DLG2: variants seen among roughly 807,000 people sequenced by gnomAD.
DLG2 encodes discs large MAGUK scaffold protein 2, also known as disks large homolog 2.
Under a neutral mutation model 132.5 loss-of-function variants are expected in DLG2, and 45 were observed. The ratio of observed to expected loss-of-function variants is 0.34; its 90% CI spans 0.27 to 0.44. The LOEUF is 0.44. DLG2 is among the 20% of genes least tolerant of loss of function. DLG2 has a pLI of 1.00. For synonymous variants in DLG2, 424 were observed against 419.6 expected, an observed-to-expected ratio of 1.01 and a Z score of -0.13; for missense variants, 1,045 against 1,196.9, an observed-to-expected ratio of 0.87 and a Z score of 1.87.
intron 15 of DLG2, among the ~76,000 whole-genome samples, chr11:83,929,931 T>G (rs2079828800): frequency 1.3e-5 from 2 of 152,236 alleles, no homozygotes; most frequent in African/African-American, 4.8e-5. Context: ...GGCCATGTTA[T>G]GCCTGGAGCA....
At chr11:84,232,079 A>AT (rs2097101056) in intron 8 of DLG2, among the ~76,000 whole-genome samples, 1 of 152,098 alleles carries the variant, frequency 6.6e-6, no homozygotes, top group African/African-American at 2.4e-5. Context: ...ATAAGGAAAA[A>AT]AATATATATA....
intron 6 of DLG2, among the ~76,000 whole-genome samples, chr11:84,581,890 A>G (rs1225749794): frequency 4.8e-5 from 7 of 147,270 alleles, no homozygotes; most frequent in Admixed American, 2.7e-4. Context: ...CTGGCGACAC[A>G]GTGAGACTTG....
intron 6 of DLG2, among the ~76,000 whole-genome samples, chr11:84,541,692 G>A (rs751524221): frequency 6.6e-6 from 1 of 152,128 alleles, no homozygotes; most frequent in Non-Finnish European, 1.5e-5. Flanking sequence ...ATCAGTAAAT[G>A]TAAGTTTAAC....
chr11:84,811,714 T>C (rs931955241), intron 6 of DLG2, among the ~76,000 whole-genome samples: 1 of 152,194 alleles, frequency 6.6e-6, no homozygotes. Context: ...TATATATCCA[T>C]TTATTTATTT....
chr11:83,893,453 C>T (rs1017835427), intron 15 of DLG2, among the ~76,000 whole-genome samples: 6 of 152,170 alleles, frequency 3.9e-5, no homozygotes, highest in Admixed American at 6.5e-5. Flanking sequence ...CAGATATTTT[C>T]GCTAGTTCTC....
At position 83,956,082 on chromosome 11, in the gene DLG2, C is replaced by G. The variant is rs183459688; in HGVS notation, c.1340+6803G>C. Among the ~76,000 whole-genome samples the G allele has an allele frequency of 2.5e-3, 388 of 152,308 alleles. 1 individual carries two copies. The highest frequency in any genetic ancestry group is 4.1e-3 in the Non-Finnish European group (276 of 68,020). On this transcript the variant is annotated intron_variant, in intron 14 of 27. Coordinates refer to ENST00000376104, the MANE Select transcript of DLG2 (RefSeq NM_001142699.3). ...ATTATTTCTATTCCTCCAGCGAACC[C>G]TGACTACAGCCTGACTTCAGGGAAG... is the stretch of plus-strand genomic sequence containing the variant.
chr11:85,064,511 T>C (rs956186467), intron 6 of DLG2, among the ~76,000 whole-genome samples: 2 of 151,702 alleles, frequency 1.3e-5, no homozygotes, highest in Non-Finnish European at 3.0e-5. Flanking sequence ...CAATCTAATA[T>C]ACAGTATAAC....
At chr11:85,444,554 G>A (rs1322028460) in intron 3 of DLG2, among the ~76,000 whole-genome samples, 1 of 152,242 alleles carries the variant, frequency 6.6e-6, no homozygotes, top group Non-Finnish European at 1.5e-5. Flanking sequence ...GGAGCTAGGT[G>A]CAGCCAGATG....
chr11:83,691,260 C>T lies in DLG2; in HGVS notation c.1826-57935G>A, dbSNP rs551288397. On this transcript the variant is annotated intron_variant, in intron 18 of 27. Transcript: ENST00000376104. ...GTTCAGGACACTTTTCTCTTCTGGC[C>T]TCTTCTGGCTATGTAACTTAACTAG... 1.1e-3 allele frequency among the ~76,000 whole-genome samples: 166 copies of T among 152,258 alleles called. 1 individual carries two copies. The South Asian group carries it at 0.022, about 20-fold the overall frequency.
intron 3 of DLG2, among the ~76,000 whole-genome samples, chr11:85,340,897 T>A (rs1230318781): frequency 1.3e-5 from 2 of 152,346 alleles, no homozygotes; most frequent in East Asian, 3.9e-4. Context: ...TTTCATTTCT[T>A]ATATTTAGAT....
chr11:85,503,304 C>T (rs377646156), intron 3 of DLG2, among the ~76,000 whole-genome samples: 11 of 152,158 alleles, frequency 7.2e-5, no homozygotes, highest in African/African-American at 2.4e-4. Flanking sequence ...TTTGAGCCAT[C>T]GACAAATTCT....
intron 4 of DLG2, among the ~76,000 whole-genome samples, chr11:85,155,737 G>T (rs1041414694): frequency 7.2e-5 from 11 of 151,962 alleles, no homozygotes; most frequent in African/African-American, 2.7e-4. Flanking sequence ...AGGTGTGGTG[G>T]CATGCGCCTG....
At chr11:85,348,336 C>T (rs2083017545) in intron 3 of DLG2, among the ~76,000 whole-genome samples, 1 of 151,848 alleles carries the variant, frequency 6.6e-6, no homozygotes, top group Non-Finnish European at 1.5e-5. Flanking sequence ...GATTCTTCAG[C>T]TTCAGCCTCC....
intron 19 of DLG2, among the ~76,000 whole-genome samples, chr11:83,624,914 A>C (rs1280437400): frequency 6.6e-6 from 1 of 152,152 alleles, no homozygotes; most frequent in Non-Finnish European, 1.5e-5. Context: ...CATCCTGTTA[A>C]ACTGTTTCAG....
intron 9 of DLG2, among the ~76,000 whole-genome samples, chr11:84,108,943 A>G (rs1056430222): frequency 6.6e-6 from 1 of 152,180 alleles, no homozygotes; most frequent in African/African-American, 2.4e-5. Context: ...GAAGAATCAA[A>G]GATGACGTGA....
chr11:84,934,520 G>GTTTTTTTTTTTTTTTTTT (rs1277703004), intron 6 of DLG2, among the ~76,000 whole-genome samples: 1 of 39,134 alleles, frequency 2.6e-5, no homozygotes, highest in African/African-American at 1.1e-4. Flanking sequence ...TTTTTGTTTT[G>GTTTTTTTTTTTTTTTTTT]TTTTGTTTTT....
At chr11:84,721,352 T>G (rs1274807924) in intron 6 of DLG2, among the ~76,000 whole-genome samples, 1 of 152,184 alleles carries the variant, frequency 6.6e-6, no homozygotes, top group East Asian at 1.9e-4. Context: ...ACCAAGGCTT[T>G]ATTTGACATA....
At chr11:85,087,911 A>T (rs185218904) in intron 6 of DLG2, among the ~76,000 whole-genome samples, 13 of 151,608 alleles carry the variant, frequency 8.6e-5, no homozygotes, top group Admixed American at 8.5e-4. Flanking sequence ...TAAGGAATTT[A>T]AAATGCATTC....
intron 4 of DLG2, among the ~76,000 whole-genome samples, chr11:85,215,703 T>C (rs2152573915): frequency 6.6e-6 from 1 of 152,294 alleles, no homozygotes; most frequent in Non-Finnish European, 1.5e-5. Context: ...CTATTTTTCT[T>C]TGTCTTGTCC....
Sources: gnomAD v4.1 joint callset for allele counts (sites outside exome capture counted in the v4.1 genomes callset) on GRCh38, gnomAD v4.1.1 for gene constraint, MANE v1.5 for transcripts, NCBI Gene and HGNC (gene_info 2026-07-23, HGNC 2026-07-21) for gene names.